Variants in HUNK observed in about 807,000 individuals in gnomAD.
HUNK encodes the protein hormonally up-regulated Neu-associated kinase.
HUNK carries 21 observed loss-of-function variants against 61.0 expected under a neutral mutation model. That is an observed-to-expected ratio of 0.34 (90% confidence interval 0.24 to 0.50). The LOEUF (loss-of-function observed/expected upper bound fraction) is 0.50. Among genes scored for constraint, HUNK ranks in the 20% least tolerant of loss-of-function variants. The pLI is 0.98. For synonymous variants in HUNK, 371 were observed against 386.1 expected (o/e 0.96, Z 0.46); for missense variants, 772 against 945.7 (o/e 0.82, Z 2.41).
In HUNK at chr21:31,873,687, G is replaced by T; in HGVS notation, c.13G>T (p.Ala5Ser). Residue 5 changes from alanine to serine, a missense_variant, in exon 1 of 11, where the codon GCG becomes TCG. Ala to Ser is a moderately conservative substitution (Grantham distance 99). This residue lies in a region of HUNK where 359 missense variants were observed against 501.3 expected (regional missense o/e 0.72). Transcript: ENST00000270112. This position sits in a 1 kb window ranked among gnomAD's most constrained non-coding sequence, Gnocchi z 6.1. MPAA[A>S]GDGLLGEPAA... ...CGCGGCGAGCGCGATGCCGGCGGCGGCGGGGGACGGGCTCCTGGGGGAGCC... is the reference window on the plus strand; with the variant it reads ...CGCGGCGAGCGCGATGCCGGCGGCGTCGGGGGACGGGCTCCTGGGGGAGCC... The T allele has an allele frequency of 9.5e-7, 1 of 1,054,008 alleles. No individual in the cohort carries two copies. Among genetic ancestry groups the T allele is most frequent in the African/African-American group, 1.7e-5 (1 of 58,624 alleles). 65.3% of individuals were successfully genotyped at this position (1,054,008 alleles called of 1,614,324 possible).
intron 1 of HUNK, among the ~76,000 whole-genome samples, chr21:31,900,216 ACT>A (rs2052454801): frequency 1.3e-5 from 2 of 151,474 alleles, no homozygotes; most frequent in African/African-American, 4.9e-5. Context: ...GAGTCCACAA[ACT>A]CTCCAGGCCC....
At chr21:31,985,236 C>A (rs2053124753) in intron 8 of HUNK, among the ~76,000 whole-genome samples, 1 of 152,174 alleles carries the variant, frequency 6.6e-6, no homozygotes, top group Non-Finnish European at 1.5e-5. Context: ...TTTGTCTATG[C>A]CCCAGTGAGG....
At chr21:31,931,511 C>G (rs556740786) in intron 2 of HUNK, among the ~76,000 whole-genome samples, 13 of 152,210 alleles carry the variant, frequency 8.5e-5, no homozygotes, top group Middle Eastern at 6.8e-3. Flanking sequence ...TCATGATGGT[C>G]GGGTTCCAGG....
At chr21:31,945,830 T>C (rs556752579) in intron 3 of HUNK, among the ~76,000 whole-genome samples, 1 of 152,352 alleles carries the variant, frequency 6.6e-6, no homozygotes, top group Non-Finnish European at 1.5e-5. Context: ...TGCTCTCAGC[T>C]AAGCCAGGGA....
intron 1 of HUNK, among the ~76,000 whole-genome samples, chr21:31,889,906 G>A (rs2052374211): frequency 6.6e-6 from 1 of 151,750 alleles, no homozygotes; most frequent in Non-Finnish European, 1.5e-5. Flanking sequence ...GATTTCAAAG[G>A]GACATATTAC....
At chr21:31,944,418 C>T (rs1009330170) in intron 3 of HUNK, among the ~76,000 whole-genome samples, 1 of 152,180 alleles carries the variant, frequency 6.6e-6, no homozygotes, top group Non-Finnish European at 1.5e-5. Context: ...CCTTTTCTTC[C>T]CGTTTCAGTG....
intron 1 of HUNK, among the ~76,000 whole-genome samples, chr21:31,893,891 T>A (rs1405888400): frequency 3.9e-5 from 6 of 152,220 alleles, no homozygotes; most frequent in East Asian, 3.8e-4. Flanking sequence ...ACTGACCCTT[T>A]GCTAGAAGTT....
intron 2 of HUNK, among the ~76,000 whole-genome samples, chr21:31,927,707 T>C (rs1401220925): frequency 6.6e-6 from 1 of 151,956 alleles, no homozygotes; most frequent in Non-Finnish European, 1.5e-5. Context: ...CTTTACTTAA[T>C]AGAACTTAGA....
chr21:31,873,566 G>T lies in HUNK; in HGVS notation c.-109G>T. ...CTCTGGGTGCGGAGACCCAGGCGGG[G>T]CTGGGCCCAGGGCGGCGGCGGGAGA... is the stretch of plus-strand genomic sequence containing the variant. On this transcript the variant is annotated 5_prime_UTR_variant, in exon 1 of 11. Transcript: ENST00000270112. This position sits in a 1 kb window ranked among gnomAD's most constrained non-coding sequence, Gnocchi z 6.1. 42 of 882,414 alleles carry T rather than the reference G, an allele frequency of 4.8e-5. No individual in the cohort carries two copies. Among genetic ancestry groups the T allele is most frequent in the Non-Finnish European group, 5.6e-5 (41 of 735,892 alleles). The allele number at this position is 882,414 out of a possible 1,614,324, so 54.7% of individuals were successfully genotyped here. A position where few individuals can be genotyped will look rare whatever the true frequency, so the allele number is the denominator to read the frequency against.
intron 1 of HUNK, among the ~76,000 whole-genome samples, chr21:31,879,126 T>C (rs1195813535): frequency 6.6e-6 from 1 of 152,220 alleles, no homozygotes; most frequent in Non-Finnish European, 1.5e-5. Context: ...GCAAGAAATA[T>C]GACTAATTTT....
intron 7 of HUNK, among the ~76,000 whole-genome samples, chr21:31,974,967 T>C (rs2053038350): frequency 6.6e-6 from 1 of 151,790 alleles, no homozygotes; most frequent in Non-Finnish European, 1.5e-5. Flanking sequence ...GGTTCAAGCC[T>C]CTTTTTCCTT....
chr21:31,929,441 C>T (rs983661986), intron 2 of HUNK, among the ~76,000 whole-genome samples: 2 of 152,030 alleles, frequency 1.3e-5, no homozygotes, highest in African/African-American at 4.8e-5. Context: ...TAAAATATAA[C>T]GAGTTGTTTT....
chr21:31,880,013 G>A (rs1175454154), intron 1 of HUNK, among the ~76,000 whole-genome samples: 1 of 152,166 alleles, frequency 6.6e-6, no homozygotes, highest in Non-Finnish European at 1.5e-5. Context: ...TGGGTGGTAC[G>A]ATGACCAGCA....
At chr21:31,965,315 G>T (rs2052956231) in intron 5 of HUNK, among the ~76,000 whole-genome samples, 1 of 149,192 alleles carries the variant, frequency 6.7e-6, no homozygotes, top group South Asian at 2.2e-4. Context: ...AGGGTGGAAG[G>T]AGAGAGAGGA....
In HUNK at chr21:31,924,491, G is replaced by A. The variant is rs2052646004; in HGVS notation, c.285G>A (p.Lys95=). ...AGGTGGCCATAAAAGTCATTGATAAGAAGAGAGCCAAAAAGGACACCTATG... is the reference window on the plus strand; with the variant it reads ...AGGTGGCCATAAAAGTCATTGATAAAAAGAGAGCCAAAAAGGACACCTATG... ...GEKVAIKVID[K]KRAKKDTYVT... is the part of the protein sequence containing the mutation. Residue 95 remains lysine, a synonymous_variant, in exon 2 of 11, where the codon AAG becomes AAA. Coordinates refer to ENST00000270112, the MANE Select transcript of HUNK (RefSeq NM_014586.2). The surrounding 1 kb of genome is among the most constrained non-coding windows in gnomAD (Gnocchi z 5.1). 6.2e-7 allele frequency: 1 copy of A among 1,613,862 alleles called. No homozygotes were observed. The highest frequency in any genetic ancestry group is 1.7e-5 in the Admixed American group (1 of 59,966).
In HUNK at chr21:31,885,029, C is replaced by T. The variant is rs149555410; in HGVS notation, c.261+11094C>T. Among the ~76,000 whole-genome samples, 59 of 152,210 alleles carry T rather than the reference C, an allele frequency of 3.9e-4. No homozygotes were observed. The East Asian group carries it at 0.01, about 27-fold the overall frequency. ...CTGACCTGAGGTGATCCACCCGCCT[C>T]AGCCTCCCAAAGTGCTGGGATTACA... is the stretch of plus-strand genomic sequence containing the variant. On this transcript the variant is annotated intron_variant, in intron 1 of 10. Transcript: ENST00000270112.
intron 4 of HUNK, among the ~76,000 whole-genome samples, chr21:31,954,927 C>T (rs776938224): frequency 4.6e-5 from 7 of 152,034 alleles, no homozygotes; most frequent in African/African-American, 1.2e-4. Context: ...GACTTACAGG[C>T]GCATGCCACC....
rs2053251363 is a variant in HUNK at position 32,002,278 on chromosome 21, G to A, written c.*3094G>A. ...AATTTTTTTTGTATTTTGTAGAAAT[G>A]GGGTTTCGCCATGTTGCTCAGGCTG... is the stretch of plus-strand genomic sequence containing the variant. On this transcript the variant is annotated 3_prime_UTR_variant, in exon 11 of 11. Coordinates refer to ENST00000270112, the MANE Select transcript of HUNK (RefSeq NM_014586.2). 1 of 152,062 alleles carries A rather than the reference G, an allele frequency of 6.6e-6. No homozygotes were observed. Among genetic ancestry groups the A allele is most frequent in the Non-Finnish European group, 1.5e-5 (1 of 68,056 alleles). 9.4% of individuals were successfully genotyped at this position (152,062 alleles called of 1,614,324 possible).
chr21:31,957,197 C>T (rs944093105), intron 4 of HUNK, among the ~76,000 whole-genome samples: 38 of 152,180 alleles, frequency 2.5e-4, no homozygotes, highest in African/African-American at 8.0e-4. Context: ...TTTGTTTGCA[C>T]GTTGCTTGCC....
Sources: allele counts gnomAD v4.1 joint callset (sites outside exome capture counted in the v4.1 genomes callset), GRCh38; gene constraint gnomAD v4.1.1; regional missense constraint gnomAD v4.1.1; non-coding constraint Gnocchi (gnomAD v3.1); transcripts MANE v1.5; gene names NCBI Gene and HGNC (gene_info 2026-07-23, HGNC 2026-07-21).